The following DNAJC6 variants were observed in gnomAD, a reference collection of about 807,000 sequenced individuals.
The protein encoded by DNAJC6 is DnaJ heat shock protein family (Hsp40) member C6, also known as auxilin.
In DNAJC6, 34 loss-of-function variants were observed where a neutral mutation model predicts 110.0. That is an observed-to-expected ratio of 0.31 (90% CI 0.24 to 0.41). The LOEUF (loss-of-function observed/expected upper bound fraction) is 0.41. Ranked by LOEUF, DNAJC6 falls within the 10% of genes least tolerant of loss-of-function variation. DNAJC6 has a pLI of 1.00. For synonymous variants in DNAJC6, 406 were observed against 437.2 expected, an observed-to-expected ratio of 0.93 and a Z score of 0.89; for missense variants, 1,031 against 1,207.8, an observed-to-expected ratio of 0.85 and a Z score of 2.17.
At position 65,392,442 on chromosome 1, in the gene DNAJC6, G is replaced by T; in HGVS notation, c.1480G>T (p.Glu494Ter). The change falls in exon 12 of 19, where the codon GAG becomes TAG. Residue 494 changes from glutamate (E) to a stop codon, truncating the protein, a stop_gained. Transcript: ENST00000371069. LOFTEE classifies it high-confidence loss of function. ...CTGGCCTTCCTCAGATCAGAAATCGGAGAAGTCATTCTGTGAGGAGGACCA... is the reference window on the plus strand; with the variant it reads ...CTGGCCTTCCTCAGATCAGAAATCGTAGAAGTCATTCTGTGAGGAGGACCA... ...ASLCWQDQKS[E>*]KSFCEEDHAA... 1 of 1,597,782 alleles carries T rather than the reference G, an allele frequency of 6.3e-7. No individual in the cohort carries two copies. Among genetic ancestry groups the T allele is most frequent in the South Asian group, 1.1e-5 (1 of 88,598 alleles).
chr1:65,388,849 A>G (rs1281333824), intron 9 of DNAJC6, among the ~76,000 whole-genome samples: 2 of 151,942 alleles, frequency 1.3e-5, no homozygotes, highest in Admixed American at 6.6e-5. Context: ...AACCTATCTC[A>G]TAGTGTGGTC....
At position 65,388,337 on chromosome 1, in the gene DNAJC6, T is replaced by C. The variant is rs748949745; in HGVS notation, c.1115T>C (p.Val372Ala). ...TGTGCTTCTCTCATGTATTTTTAGGTGACCAACACACAGATATTCCAGCTT... is the reference window on the plus strand; with the variant it reads ...TGTGCTTCTCTCATGTATTTTTAGGCGACCAACACACAGATATTCCAGCTT... ...STIGSRLQAK[V>A]TNTQIFQLQF... The change falls in exon 9 of 19, where the codon GTG becomes GCG. Residue 372 changes from valine to alanine, a missense_variant and splice_region_variant. Val to Ala is a moderately conservative substitution (Grantham distance 64). Transcript: ENST00000371069. 2 of 1,613,702 alleles carry C rather than the reference T, an allele frequency of 1.2e-6. No homozygotes were observed. The highest frequency in any genetic ancestry group is 1.1e-5 in the South Asian group (1 of 91,070).
upstream of DNAJC6, among the ~76,000 whole-genome samples, chr1:65,304,927 G>A (rs1171590756): frequency 2.6e-5 from 4 of 152,314 alleles, no homozygotes; most frequent in Middle Eastern, 3.4e-3. Context: ...GTACAGGACC[G>A]ACAAAACACA....
intron 15 of DNAJC6, 149 bp from the exon 16 acceptor site, chr1:65,405,721 C>T: frequency 3.5e-6 from 3 of 858,980 alleles, no homozygotes; most frequent in Non-Finnish European, 3.4e-6. Flanking sequence ...AATATGTATG[C>T]CTGCAATTGC....
chr1:65,392,771 T>G lies in DNAJC6; in HGVS notation c.1809T>G (p.Asp603Glu). The G allele has an allele frequency of 5.0e-6, 8 of 1,611,508 alleles. No homozygotes were observed. The highest frequency in any genetic ancestry group is 6.8e-6 in the Non-Finnish European group (8 of 1,178,802). Residue 603 changes from aspartate (D) to glutamate (E), a missense_variant, in exon 12 of 19, where the codon GAT becomes GAG. Coordinates refer to ENST00000371069, the MANE Select transcript of DNAJC6 (RefSeq NM_001256864.2). ...PTQAGQSGVE[D>E]VFHPSGPAST... ...AGGCTGGACAGTCAGGAGTGGAAGA[T>G]GTGTTTCATCCTAGTGGACCTGCGT...
chr1:65,371,078 A>G (rs1331485022), intron 4 of DNAJC6, among the ~76,000 whole-genome samples: 1 of 152,226 alleles, frequency 6.6e-6, no homozygotes, highest in Non-Finnish European at 1.5e-5. Context: ...GCCTTCCATG[A>G]ATTGAATGTC....
intron 5 of DNAJC6, among the ~76,000 whole-genome samples, chr1:65,383,596 C>T (rs1645843168): frequency 6.6e-6 from 1 of 152,052 alleles, no homozygotes; most frequent in Admixed American, 6.6e-5. Flanking sequence ...GGCACAATTC[C>T]CATTCATGAG....
intron 1 of DNAJC6, among the ~76,000 whole-genome samples, chr1:65,332,710 A>G (rs529338550): frequency 6.6e-6 from 1 of 152,294 alleles, no homozygotes; most frequent in African/African-American, 2.4e-5. Context: ...AAGTGGTTAA[A>G]TTGACAGTGT....
chr1:65,269,367 CAAA>C (rs78150700), intron 1 of DNAJC6, among the ~76,000 whole-genome samples: 8 of 100,068 alleles, frequency 8.0e-5, no homozygotes, highest in East Asian at 5.8e-4. Context: ...GACCCTGTCT[CAAA>C]AAAAAAAAAA....
chr1:65,302,337 A>G (rs994127932), intron 1 of DNAJC6, among the ~76,000 whole-genome samples: 7 of 137,060 alleles, frequency 5.1e-5, no homozygotes, highest in Non-Finnish European at 9.3e-5. Context: ...TGTGGTTTGA[A>G]TATCCCCTCC....
rs1485792448 is a variant in DNAJC6 at position 65,413,660 on chromosome 1, T to C, written c.*635T>C. The C allele has an allele frequency of 1.3e-5, 2 of 152,188 alleles. No homozygotes were observed. Among genetic ancestry groups the C allele is most frequent in the Non-Finnish European group, 2.9e-5 (2 of 68,032 alleles). The allele number at this position is 152,188 out of a possible 1,614,324, so 9.4% of individuals were successfully genotyped here. On this transcript the variant is annotated 3_prime_UTR_variant, in exon 19 of 19. Transcript: ENST00000371069. ...CAGTGATTACCACCAACTTTCTGAC[T>C]AAGCTAAAAATGAATGAAAATGGTG...
chr1:65,311,547 A>T (rs1260934405), intron 1 of DNAJC6, among the ~76,000 whole-genome samples: 1 of 152,000 alleles, frequency 6.6e-6, no homozygotes, highest in Non-Finnish European at 1.5e-5. Context: ...TTGATGTTGT[A>T]TGTGGTTATT....
At position 65,411,197 on chromosome 1, in the gene DNAJC6, T is replaced by C; in HGVS notation, c.2635-53T>C. The C allele has an allele frequency of 7.0e-6, 11 of 1,567,986 alleles. No individual in the cohort carries two copies. In the South Asian group the frequency reaches 1.3e-4, roughly 19 times the overall value. On this transcript the variant is annotated intron_variant, in intron 17 of 18. Coordinates refer to ENST00000371069, the MANE Select transcript of DNAJC6 (RefSeq NM_001256864.2). Reference sequence around the variant, plus strand: ...GGTTTCTAGAGTCCTAGTGGAAACCTTCTGAACTAGTAAGTAAGCATTTGA... The same window carrying C: ...GGTTTCTAGAGTCCTAGTGGAAACCCTCTGAACTAGTAAGTAAGCATTTGA...
At chr1:65,396,160 T>G (rs969893556) in intron 13 of DNAJC6, among the ~76,000 whole-genome samples, 1 of 152,168 alleles carries the variant, frequency 6.6e-6, no homozygotes, top group East Asian at 1.9e-4. Context: ...TCAAACTATT[T>G]GAAGTGCATC....
Position 65,408,737 on chromosome 1 carries a change from TGAGAAA to T in DNAJC6, c.2590_2595del (p.Arg864_Lys865del). ...AAGGGGCCTCGGACAATAGCTGAGATGAGAAAGGAGGAAATGGCCAAGGAAATGGAT... is the reference window on the plus strand; with the variant it reads ...AAGGGGCCTCGGACAATAGCTGAGATGGAGGAAATGGCCAAGGAAATGGAT... On this transcript the variant is annotated inframe_deletion, in exon 17 of 19. Coordinates refer to ENST00000371069, the MANE Select transcript of DNAJC6 (RefSeq NM_001256864.2). 6.2e-7 allele frequency: 1 copy of T among 1,613,442 alleles called. No homozygotes were observed. The highest frequency in any genetic ancestry group is 8.5e-7 in the Non-Finnish European group (1 of 1,179,600).
intron 18 of DNAJC6, among the ~76,000 whole-genome samples, chr1:65,411,879 G>A (rs2101645861): frequency 6.6e-6 from 1 of 152,292 alleles, no homozygotes; most frequent in South Asian, 2.1e-4. Flanking sequence ...GTTGAGGTAG[G>A]AGGATCACTT....
chr1:65,356,224 G>T (rs1205389199), intron 1 of DNAJC6, among the ~76,000 whole-genome samples: 1 of 152,018 alleles, frequency 6.6e-6, no homozygotes, highest in Non-Finnish European at 1.5e-5. Flanking sequence ...CCAGCCATTT[G>T]TGGGAGGCAT....
chr1:65,411,370 C>T lies in DNAJC6; in HGVS notation c.2755C>T (p.Pro919Ser). ...KPVGMADLVTPEQVKKVYRKA... is the reference protein window; with the variant it reads ...KPVGMADLVTSEQVKKVYRKA... ...AGTTGGCATGGCAGACCTGGTAACA[C>T]CAGAGCAGGTGAAGAAGGTGTACAG... The change falls in exon 18 of 19, where the codon CCA becomes TCA. Residue 919 changes from proline to serine, a missense_variant. Pro to Ser is a moderately conservative substitution (Grantham distance 74). Coordinates refer to ENST00000371069, the MANE Select transcript of DNAJC6 (RefSeq NM_001256864.2). The T allele has an allele frequency of 6.2e-7, 1 of 1,614,072 alleles. No individual in the cohort carries two copies. Among genetic ancestry groups the T allele is most frequent in the Non-Finnish European group, 8.5e-7 (1 of 1,179,996 alleles).
chr1:65,317,142 T>A (rs969357298), intron 1 of DNAJC6, among the ~76,000 whole-genome samples: 3 of 152,372 alleles, frequency 2.0e-5, no homozygotes, highest in East Asian at 1.9e-4. Flanking sequence ...ACTGCTTTTT[T>A]AAATCTGTGC....
Sources: allele counts gnomAD v4.1 joint callset (sites outside exome capture counted in the v4.1 genomes callset), GRCh38; gene constraint gnomAD v4.1.1; transcripts MANE v1.5; gene names NCBI Gene and HGNC (gene_info 2026-07-23, HGNC 2026-07-21).